The following LDB2 variants were observed in gnomAD, a reference collection of about 807,000 sequenced individuals.
LDB2 encodes LIM domain-binding protein 2.
In LDB2, 12 loss-of-function variants were observed where a neutral mutation model predicts 44.3. The observed-to-expected ratio is 0.27, with a 90% confidence interval of 0.17 to 0.44. The LOEUF is 0.44. Among genes scored for constraint, LDB2 ranks in the 20% least tolerant of loss-of-function variants. The probability of loss-of-function intolerance (pLI) is 1.00; values close to 1 mark genes in which losing one functional copy is unlikely to be tolerated. For synonymous variants in LDB2, 164 were observed against 174.8 expected (o/e 0.94, Z 0.49); for missense variants, 344 against 473.5 (o/e 0.73, Z 2.54).
chr4:16,627,705 C>A (rs1730654237), intron 2 of LDB2, among the ~76,000 whole-genome samples: 1 of 152,198 alleles, frequency 6.6e-6, no homozygotes, highest in Non-Finnish European at 1.5e-5. Context: ...GTATTCACCA[C>A]CCTTGTGAAA....
chr4:16,779,902 A>G (rs1214299719), intron 1 of LDB2, among the ~76,000 whole-genome samples: 1 of 152,230 alleles, frequency 6.6e-6, no homozygotes, highest in East Asian at 1.9e-4. Context: ...TTTCTTCTCC[A>G]AAATGCAAGA....
intron 1 of LDB2, chr4:16,889,395 A>C (rs1431580539): frequency 2.6e-5 from 4 of 152,232 alleles, no homozygotes; most frequent in African/African-American, 9.6e-5. Context: ...ATTTTTAATC[A>C]GAAGTCAGGA....
intron 5 of LDB2, among the ~76,000 whole-genome samples, chr4:16,541,848 T>C (rs927853715): frequency 1.3e-5 from 2 of 152,176 alleles, no homozygotes; most frequent in African/African-American, 4.8e-5. Context: ...GAGTTGAGAA[T>C]TGCTGCTCTG....
At chr4:16,706,447 G>T (rs1754635738) in intron 2 of LDB2, among the ~76,000 whole-genome samples, 1 of 152,210 alleles carries the variant, frequency 6.6e-6, no homozygotes, top group South Asian at 2.1e-4. Flanking sequence ...ATCTGCCAGT[G>T]ACTCAGTCTG....
chr4:16,745,246 C>T (rs1764166655), intron 2 of LDB2, among the ~76,000 whole-genome samples: 1 of 152,204 alleles, frequency 6.6e-6, no homozygotes. Flanking sequence ...TCCTCCTCTA[C>T]ACCTCAGAGG....
chr4:16,701,268 GA>G (rs1753375466), intron 2 of LDB2, among the ~76,000 whole-genome samples: 1 of 152,176 alleles, frequency 6.6e-6, no homozygotes, highest in Admixed American at 6.6e-5. Context: ...GATAACCCTT[GA>G]GTAGACAATC....
intron 5 of LDB2, among the ~76,000 whole-genome samples, chr4:16,545,149 C>A (rs1393385809): frequency 1.3e-5 from 2 of 151,564 alleles, no homozygotes; most frequent in African/African-American, 2.4e-5. Context: ...TCCCTCTCTC[C>A]CTCCCTGCTT....
intron 1 of LDB2, among the ~76,000 whole-genome samples, chr4:16,808,601 T>G (rs1779218185): frequency 6.6e-6 from 1 of 152,146 alleles, no homozygotes; most frequent in African/African-American, 2.4e-5. Context: ...CTTGAGACAG[T>G]TTTGATTTAG....
intron 1 of LDB2, among the ~76,000 whole-genome samples, chr4:16,843,555 T>C (rs1392485963): frequency 1.3e-5 from 2 of 152,250 alleles, no homozygotes; most frequent in East Asian, 1.9e-4. Flanking sequence ...TTAATGGCAT[T>C]ATCAAACAGC....
intron 2 of LDB2, among the ~76,000 whole-genome samples, chr4:16,644,364 A>G (rs1476189845): frequency 6.6e-6 from 1 of 151,922 alleles, no homozygotes; most frequent in East Asian, 1.9e-4. Flanking sequence ...ATCCGGTAAC[A>G]TGTCCATTTC....
At chr4:16,634,048 C>G (rs1252595793) in intron 2 of LDB2, among the ~76,000 whole-genome samples, 1 of 152,140 alleles carries the variant, frequency 6.6e-6, no homozygotes, top group Non-Finnish European at 1.5e-5. Context: ...GTTGGGAAAA[C>G]TGGCTAGCCA....
At chr4:16,681,861 G>A (rs1748035493) in intron 2 of LDB2, among the ~76,000 whole-genome samples, 1 of 152,034 alleles carries the variant, frequency 6.6e-6, no homozygotes, top group Non-Finnish European at 1.5e-5. Flanking sequence ...GTGAGCGACT[G>A]TGCCCGGCCT....
chr4:16,744,348 G>T (rs1763951023), intron 2 of LDB2, among the ~76,000 whole-genome samples: 1 of 128,232 alleles, frequency 7.8e-6, no homozygotes, highest in African/African-American at 2.8e-5. Context: ...GTGGAAACAG[G>T]GTTTCACCAT....
intron 2 of LDB2, among the ~76,000 whole-genome samples, chr4:16,719,668 C>T (rs1467457288): frequency 6.6e-6 from 1 of 152,084 alleles, no homozygotes; most frequent in Admixed American, 6.6e-5. Context: ...ATCCCTAATG[C>T]AGCAGTGTTG....
intron 2 of LDB2, among the ~76,000 whole-genome samples, chr4:16,684,874 T>C (rs75775740): frequency 6.6e-6 from 1 of 152,344 alleles, no homozygotes; most frequent in Non-Finnish European, 1.5e-5. Flanking sequence ...ATGAGCCATA[T>C]TGTCTCTTTT....
chr4:16,687,755 A>G (rs1749620600), intron 2 of LDB2, among the ~76,000 whole-genome samples: 1 of 152,154 alleles, frequency 6.6e-6, no homozygotes. Context: ...CTGGAGCAAA[A>G]AGGAGATCAG....
At chr4:16,835,224 A>C (rs1358480504) in intron 1 of LDB2, among the ~76,000 whole-genome samples, 1 of 152,196 alleles carries the variant, frequency 6.6e-6, no homozygotes, top group African/African-American at 2.4e-5. Flanking sequence ...CCGTATAACC[A>C]CTAATCTTAC....
intron 1 of LDB2, among the ~76,000 whole-genome samples, chr4:16,867,933 A>T (rs1443702951): frequency 2.0e-5 from 3 of 152,202 alleles, no homozygotes; most frequent in Non-Finnish European, 2.9e-5. Context: ...ATCCACTAGC[A>T]TCTGTTGGAG....
At chr4:16,551,946 A>T (rs573163995) in intron 5 of LDB2, among the ~76,000 whole-genome samples, 1 of 152,134 alleles carries the variant, frequency 6.6e-6, no homozygotes, top group Non-Finnish European at 1.5e-5. Context: ...TTTTTACATA[A>T]TTTTTTTTCC....
Sources: allele counts gnomAD v4.1 joint callset (sites outside exome capture counted in the v4.1 genomes callset), GRCh38; gene constraint gnomAD v4.1.1; transcripts MANE v1.5; gene names NCBI Gene and HGNC (gene_info 2026-07-23, HGNC 2026-07-21).